The following LRRN3 variants were observed in gnomAD, a reference collection of about 807,000 sequenced individuals.
LRRN3 encodes the protein leucine-rich repeat neuronal protein 3.
Under a neutral mutation model 40.1 loss-of-function variants are expected in LRRN3, and 15 were observed. The ratio of observed to expected loss-of-function variants is 0.37; its 90% CI spans 0.25 to 0.58. The LOEUF (loss-of-function observed/expected upper bound fraction) is 0.58. Ranked by LOEUF, LRRN3 falls within the 20% of genes least tolerant of loss-of-function variation. The pLI is 0.72. For synonymous variants in LRRN3, 308 were observed against 297.2 expected (o/e 1.04, Z -0.37); for missense variants, 746 against 837.7 (o/e 0.89, Z 1.35).
chr7:111,105,334 A>G (rs1798425862), intron 2 of LRRN3, among the ~76,000 whole-genome samples: 1 of 151,930 alleles, frequency 6.6e-6, no homozygotes, highest in African/African-American at 2.4e-5. Flanking sequence ...TATAAAACTC[A>G]GAAACTCCGA....
intron 2 of LRRN3, among the ~76,000 whole-genome samples, chr7:111,101,130 A>G (rs911790931): frequency 4.0e-5 from 6 of 151,420 alleles, no homozygotes; most frequent in South Asian, 2.1e-4. Flanking sequence ...TCACATCATC[A>G]TATTTAGTTT....
chr7:111,111,402 T>TC (rs1554519150), intron 2 of LRRN3, among the ~76,000 whole-genome samples: 1,166 of 112,590 alleles, frequency 0.01, 4 homozygotes, highest in Middle Eastern at 0.017. Flanking sequence ...CTGCTTTCCA[T>TC]CCCCCCCCAA....
In LRRN3 at chr7:111,123,262, C is replaced by T. The variant is rs1369752568; in HGVS notation, c.490C>T (p.His164Tyr). 7 of 1,613,762 alleles carry T rather than the reference C, an allele frequency of 4.3e-6. No homozygotes were observed. The highest frequency in any genetic ancestry group is 5.9e-6 in the Non-Finnish European group (7 of 1,179,944). The change falls in exon 3 of 3, where the codon CAT becomes TAT. Residue 164 changes from histidine (H) to tyrosine (Y), a missense_variant. Coordinates refer to ENST00000308478, the MANE Select transcript of LRRN3 (RefSeq NM_001099658.2). The surrounding 1 kb of genome is among the most constrained non-coding windows in gnomAD (Gnocchi z 6.4). ...TTCACCTGGAGCCTTTATTGGCCTA[C>T]ATAATCTTCTTCGACTTCATCTCAA... ...TISPGAFIGL[H>Y]NLLRLHLNSN...
Position 111,125,023 on chromosome 7 carries a change from A to ATTT in LRRN3, c.*124_*125insTTT, listed in dbSNP as rs1190829439. ...AAAGTAAAAAAAGATTACTTTCGAG[A>ATTT]GAGAAGTTTAAGCTTCACCAATGCT... On this transcript the variant is annotated 3_prime_UTR_variant, in exon 3 of 3. Coordinates refer to ENST00000308478, the MANE Select transcript of LRRN3 (RefSeq NM_001099658.2). 3 of 743,422 alleles carry ATTT rather than the reference A, an allele frequency of 4.0e-6. No homozygotes were observed. Among genetic ancestry groups the ATTT allele is most frequent in the Non-Finnish European group, 6.4e-6 (3 of 468,638 alleles). 46.1% of individuals were successfully genotyped at this position (743,422 alleles called of 1,614,324 possible).
At position 111,123,094 on chromosome 7, in the gene LRRN3, A is replaced by C; in HGVS notation, c.322A>C (p.Thr108Pro). The change falls in exon 3 of 3, where the codon ACC (threonine) becomes CCC (proline). Residue 108 changes from threonine (T) to proline (P), a missense_variant. Thr to Pro is a conservative substitution (Grantham distance 38). Transcript: ENST00000308478. This position sits in a 1 kb window ranked among gnomAD's most constrained non-coding sequence, Gnocchi z 6.4. ...DLSQNNLSSV[T>P]NINVKKMPQL... ...ATCTCAAAACAATTTATCTTCAGTCACCAATATTAATGTAAAAAAGATGCC... is the reference window on the plus strand; with the variant it reads ...ATCTCAAAACAATTTATCTTCAGTCCCCAATATTAATGTAAAAAAGATGCC... The C allele has an allele frequency of 6.2e-7, 1 of 1,613,732 alleles. No homozygotes were observed.
intron 2 of LRRN3, among the ~76,000 whole-genome samples, chr7:111,118,218 T>C (rs995032856): frequency 3.3e-5 from 5 of 152,118 alleles, no homozygotes; most frequent in Non-Finnish European, 7.4e-5. Flanking sequence ...ATCTTATTTA[T>C]TGCTGACTTT....
chr7:111,108,741 A>G (rs1798833741), intron 2 of LRRN3, among the ~76,000 whole-genome samples: 1 of 152,178 alleles, frequency 6.6e-6, no homozygotes, highest in Non-Finnish European at 1.5e-5. Flanking sequence ...ATCACTCAAT[A>G]GTTCATGCAT....
chr7:111,110,409 T>C (rs898883720), intron 2 of LRRN3, among the ~76,000 whole-genome samples: 5 of 152,168 alleles, frequency 3.3e-5, no homozygotes, highest in African/African-American at 1.2e-4. Context: ...TGAAATAATA[T>C]CTTATCTTCC....
At chr7:111,091,757 G>A (rs1277332396) in intron 1 of LRRN3, among the ~76,000 whole-genome samples, 2 of 151,866 alleles carry the variant, frequency 1.3e-5, no homozygotes, top group South Asian at 2.1e-4. Context: ...ATGTGAGTGG[G>A]AGAGAAAAAG....
chr7:111,097,584 GA>G lies in LRRN3; in HGVS notation c.-440-2289del, dbSNP rs140380963. Among the ~76,000 whole-genome samples the G allele has an allele frequency of 9.0e-3, 1,348 of 149,564 alleles. 24 individuals are homozygous for G. The highest frequency in any genetic ancestry group is 0.031 in the African/African-American group (1,268 of 40,790). On this transcript the variant is annotated intron_variant, in intron 1 of 2. Transcript: ENST00000308478. ...TAACTTTCAGCTTACCTTTCTTAAG[GA>G]AAAAAAACAAAAAAATGTTAAAAAT...
intron 2 of LRRN3, among the ~76,000 whole-genome samples, chr7:111,106,974 T>C (rs1034055030): frequency 6.6e-6 from 1 of 151,954 alleles, no homozygotes. Context: ...AATCTACTTC[T>C]TTCTATATTA....
At chr7:111,093,692 C>A (rs1368075884) in intron 1 of LRRN3, among the ~76,000 whole-genome samples, 1 of 152,150 alleles carries the variant, frequency 6.6e-6, no homozygotes, top group African/African-American at 2.4e-5. Context: ...AATACCAACA[C>A]TCCAGGCCCC....
chr7:111,117,209 C>A (rs1756163741), intron 2 of LRRN3, among the ~76,000 whole-genome samples: 1 of 151,998 alleles, frequency 6.6e-6, no homozygotes. Context: ...AGGTTAAAAT[C>A]AGATAAGTGA....
At chr7:111,111,558 A>G (rs1799206281) in intron 2 of LRRN3, among the ~76,000 whole-genome samples, 1 of 152,112 alleles carries the variant, frequency 6.6e-6, no homozygotes, top group South Asian at 2.1e-4. Context: ...CCTGATATAG[A>G]CTAGTCCTTA....
At chr7:111,101,544 TA>T (rs112835149) in intron 2 of LRRN3, among the ~76,000 whole-genome samples, 17 of 147,136 alleles carry the variant, frequency 1.2e-4, no homozygotes, top group Middle Eastern at 3.6e-3. Flanking sequence ...GTAGATTTAG[TA>T]AAAAAAAAAA....
At chr7:111,097,609 A>C (rs941190201) in intron 1 of LRRN3, among the ~76,000 whole-genome samples, 2 of 151,936 alleles carry the variant, frequency 1.3e-5, no homozygotes, top group African/African-American at 2.4e-5. Context: ...AATGTTAAAA[A>C]TAGACATGTA....
At chr7:111,093,793 G>A (rs1797114199) in intron 1 of LRRN3, among the ~76,000 whole-genome samples, 1 of 152,146 alleles carries the variant, frequency 6.6e-6, no homozygotes, top group African/African-American at 2.4e-5. Flanking sequence ...ATGACTGGAA[G>A]ATTTACCCAT....
At chr7:111,111,058 G>GT (rs1191740975) in intron 2 of LRRN3, among the ~76,000 whole-genome samples, 2 of 152,096 alleles carry the variant, frequency 1.3e-5, no homozygotes, top group East Asian at 3.8e-4. Flanking sequence ...TCTGGAAAGA[G>GT]TTTATCTACT....
chr7:111,103,581 T>C (rs944629835), intron 2 of LRRN3, among the ~76,000 whole-genome samples: 2 of 151,636 alleles, frequency 1.3e-5, no homozygotes, highest in Non-Finnish European at 3.0e-5. Context: ...GACATTTAAG[T>C]AGTTCTATTT....
Sources: gnomAD v4.1 joint callset for allele counts (sites outside exome capture counted in the v4.1 genomes callset) on GRCh38, gnomAD v4.1.1 for gene constraint, Gnocchi (gnomAD v3.1) non-coding constraint, MANE v1.5 for transcripts, NCBI Gene and HGNC (gene_info 2026-07-23, HGNC 2026-07-21) for gene names.